The following CYP2A6 variants were observed in gnomAD, a reference collection of about 807,000 sequenced individuals.
The protein encoded by CYP2A6 is cytochrome P450 family 2 subfamily A member 6.
CYP2A6 carries 27 observed loss-of-function variants against 42.3 expected under a neutral mutation model. That is an observed-to-expected ratio of 0.64 (90% CI 0.47 to 0.88). The LOEUF (loss-of-function observed/expected upper bound fraction) is 0.88. CYP2A6 is among the 40% of genes least tolerant of loss of function. CYP2A6 has a pLI of 0.00. For missense variants in CYP2A6, 628 were observed against 646.0 expected (o/e 0.97, Z 0.30); for synonymous variants, 238 against 246.3 (o/e 0.97, Z 0.31).
rs2145124560 is a variant in CYP2A6, at chr19:40,848,706, G to A, written c.401C>T (p.Thr134Ile). 3 of 1,611,936 alleles carry A rather than the reference G, an allele frequency of 1.9e-6. No individual in the cohort carries two copies. Among genetic ancestry groups the A allele is most frequent in the East Asian group, 2.3e-5 (1 of 43,386 alleles). ...AKQLRRFSIA[T>I]LRDFGVGKRG... ...CTTGCCCACCCCGAAGTCCCGCAGG[G>A]TGGCGATGGAGAAGCGCCGGAGCTG... Residue 134 changes from threonine to isoleucine, a missense_variant, in exon 3 of 9, where the codon ACC (threonine) becomes ATC (isoleucine). Around this residue, in one of 2 missense-constraint regions of CYP2A6, gnomAD observed 606 missense variants for 568.1 expected, o/e 1.07. Coordinates refer to ENST00000301141, the MANE Select transcript of CYP2A6 (RefSeq NM_000762.6).
At position 40,848,987 on chromosome 19, in the gene CYP2A6, G is replaced by GA. The variant is rs1555783036; in HGVS notation, c.344-225_344-224insT. On this transcript the variant is annotated intron_variant, in intron 2 of 8. Coordinates refer to ENST00000301141, the MANE Select transcript of CYP2A6 (RefSeq NM_000762.6). ...GAGAGAGAGAGAGAGAAGAGAGAGA[G>GA]GAGAGAGAGAGAGAGAGAGAGAGAA... 1.3e-3 allele frequency among the ~76,000 whole-genome samples: 116 copies of GA among 90,030 alleles called. 1 individual carries two copies. Among genetic ancestry groups the GA allele is most frequent in the African/African-American group, 3.2e-3 (61 of 18,956 alleles). 59.1% of individuals were successfully genotyped at this position (90,030 alleles called of 152,430 possible).
intron 6 of CYP2A6, 97 bp from the exon 7 acceptor site, chr19:40,845,578 C>T: frequency 1.9e-6 from 3 of 1,543,254 alleles, no homozygotes; most frequent in African/African-American, 2.7e-5. Flanking sequence ...TATGGCTCCG[C>T]CTATGAGACG....
At chr19:40,848,865 G>A in intron 2 of CYP2A6, 102 bp from the exon 3 acceptor site, 19 of 1,407,162 alleles carry the variant, frequency 1.4e-5, no homozygotes, top group Non-Finnish European at 1.6e-5. Context: ...AGAGGGAGTA[G>A]GGTGGGAGAG....
At position 40,848,282 on chromosome 19, in the gene CYP2A6, C is replaced by T. The variant is rs368174755; in HGVS notation, c.591G>A (p.Glu197=). Residue 197 remains glutamate, a synonymous_variant, in exon 4 of 9, where the codon GAG becomes GAA. Coordinates refer to ENST00000301141, the MANE Select transcript of CYP2A6 (RefSeq NM_000762.6). ...FGDRFDYKDK[E]FLSLLRMMLG... ...GCATCATGCGCAACAGTGACAGGAA[C>T]TCTTTGTCCTTATAGTCAAAGCGGT... 4 of 1,611,728 alleles carry T rather than the reference C, an allele frequency of 2.5e-6. No individual in the cohort carries two copies. Among genetic ancestry groups the T allele is most frequent in the Non-Finnish European group, 3.4e-6 (4 of 1,179,952 alleles).
Position 40,850,335 on chromosome 19 carries a change from C to A in CYP2A6, c.92G>T (p.Gly31Val). 6.2e-7 allele frequency: 1 copy of A among 1,610,122 alleles called. No homozygotes were observed. Among genetic ancestry groups the A allele is most frequent in the Non-Finnish European group, 8.5e-7 (1 of 1,178,862 alleles). The stretch of plus-strand genomic sequence containing the variant: ...TGGGGTGGGTCCCGGAGGCAGCTTC[C>A]CCTTGCTCTTCCTCTGCTGCCAAAC... ...MSVWQQRKSKGKLPPGPTPLP... is the reference protein window; with the variant it reads ...MSVWQQRKSKVKLPPGPTPLP... Residue 31 changes from glycine (G) to valine (V), a missense_variant, in exon 1 of 9, where the codon GGG (glycine) becomes GTG (valine). By Grantham distance (109) the Gly-to-Val change is moderately radical. Coordinates refer to ENST00000301141, the MANE Select transcript of CYP2A6 (RefSeq NM_000762.6).
rs1474569049 is a variant in CYP2A6 at position 40,849,886 on chromosome 19, A to G, written c.275T>C (p.Val92Ala). The G allele has an allele frequency of 6.2e-7, 1 of 1,611,576 alleles. No individual in the cohort carries two copies. ...CGHDAVREAL[V>A]DQAEEFSGRG... is the part of the protein sequence containing the mutation. ...CCCGCTGAACTCCTCAGCCTGGTCC[A>G]CCAGAGCCTCCCTGACGGCATCATG... The change falls in exon 2 of 9, where the codon GTG (valine) becomes GCG (alanine). Residue 92 changes from valine to alanine, a missense_variant. By Grantham distance (64) the Val-to-Ala change is moderately conservative (BLOSUM62 0). Transcript: ENST00000301141.
chr19:40,849,017 G>C (rs1485121010), intron 2 of CYP2A6, among the ~76,000 whole-genome samples: 1 of 91,528 alleles, frequency 1.1e-5, no homozygotes, highest in Non-Finnish European at 2.1e-5. Context: ...AGAGAAGAGA[G>C]AGAGGAGAGA....
chr19:40,845,833 TG>T (rs2145121326), intron 6 of CYP2A6, 122 bp downstream of exon 6: 1 of 1,439,398 alleles, frequency 6.9e-7, no homozygotes, highest in Non-Finnish European at 9.4e-7. Flanking sequence ...AATGTTGCCC[TG>T]TCTCTGGACA....
At chr19:40,845,203 G>A (rs748582964) in intron 7 of CYP2A6, 91 bp downstream of exon 7, 4 of 1,528,252 alleles carry the variant, frequency 2.6e-6, no homozygotes, top group South Asian at 2.3e-5. Context: ...AGTGGGACAG[G>A]GTCTAGAAAG....
intron 5 of CYP2A6, 54 bp downstream of exon 5, chr19:40,846,821 C>A (rs572110543): frequency 4.4e-6 from 7 of 1,597,564 alleles, no homozygotes; most frequent in African/African-American, 1.3e-5. Context: ...CACTCCCAGA[C>A]TGATTTCCCT....
At position 40,850,361 on chromosome 19, in the gene CYP2A6, A is replaced by T. The variant is rs1459818458; in HGVS notation, c.66T>A (p.Ser22=). The change falls in exon 1 of 9, where the codon TCT becomes TCA. Residue 22 remains serine (S), a synonymous_variant. Transcript: ENST00000301141. ...CCTTGCTCTTCCTCTGCTGCCAAAC[A>T]GACATCAAGACCATTACAGTCAGGC... ...LVCLTVMVLM[S]VWQQRKSKGK... 5.0e-6 allele frequency: 8 copies of T among 1,610,146 alleles called. No homozygotes were observed. Among genetic ancestry groups the T allele is most frequent in the Non-Finnish European group, 5.9e-6 (7 of 1,178,896 alleles).
intron 7 of CYP2A6, chr19:40,845,022 C>G (rs2083448626): frequency 1.5e-6 from 1 of 653,308 alleles, no homozygotes; most frequent in Non-Finnish European, 2.6e-6. Context: ...GTCCCTATGA[C>G]AAAAGGCCGA....
chr19:40,846,651 T>C (rs1000991166), intron 5 of CYP2A6, among the ~76,000 whole-genome samples: 1 of 151,486 alleles, frequency 6.6e-6, no homozygotes, highest in African/African-American at 2.4e-5. Context: ...GGTTTGACCA[T>C]GTTGGCCAGG....
intron 8 of CYP2A6, among the ~76,000 whole-genome samples, chr19:40,844,237 T>C (rs2083444535): frequency 6.6e-6 from 1 of 151,348 alleles, no homozygotes; most frequent in Admixed American, 6.6e-5. Flanking sequence ...TATACAGTTC[T>C]ATGGGTTTTG....
Position 40,848,710 on chromosome 19 carries a change from C to CG in CYP2A6, c.396dup (p.Ala133ArgfsTer60). ...CCCACCCCGAAGTCCCGCAGGGTGG[C>CG]GATGGAGAAGCGCCGGAGCTGCTTG... On this transcript the variant is annotated frameshift_variant, in exon 3 of 9. Transcript: ENST00000301141. LOFTEE classifies it high-confidence loss of function. 6.2e-7 allele frequency: 1 copy of CG among 1,611,860 alleles called. No individual in the cohort carries two copies. The highest frequency in any genetic ancestry group is 2.3e-5 in the East Asian group (1 of 43,366).
rs1967132121 is a variant in CYP2A6 at position 40,848,114 on chromosome 19, G to T, written c.654+105C>A. 2 of 1,557,186 alleles carry T rather than the reference G, an allele frequency of 1.3e-6. 1 individual carries two copies. Among genetic ancestry groups the T allele is most frequent in the African/African-American group, 2.7e-5 (2 of 73,252 alleles). On this transcript the variant is annotated intron_variant, in intron 4 of 8. Transcript: ENST00000301141. ...CAATATCGGGGACTGATTTTGAGGG[G>T]ACACTGTCTGGAGGGCGGTGGGAGT...
At chr19:40,849,771 C>T (rs72549436) in intron 2 of CYP2A6, 47 bp downstream of exon 2, 16 of 1,606,258 alleles carry the variant, frequency 1.0e-5, no homozygotes, top group Admixed American at 1.7e-5. Flanking sequence ...AACACTGAGA[C>T]CTTCGTGTCC....
In CYP2A6 at chr19:40,846,094, C is replaced by A; in HGVS notation, c.835G>T (p.Glu279Ter). The A allele has an allele frequency of 6.2e-7, 1 of 1,611,490 alleles. No homozygotes were observed. Among genetic ancestry groups the A allele is most frequent in the Non-Finnish European group, 8.5e-7 (1 of 1,179,818 alleles). ...TAGAACTCCGTGTTGGGGTTCTTCT[C>A]CTCCTGCAGGGAGAGGGGGCTTTAG... is the stretch of plus-strand genomic sequence containing the variant. ...DSFLIRMQEEEKNPNTEFYLK... is the reference protein window; with the variant it reads ...DSFLIRMQEE The change falls in exon 6 of 9, where the codon GAG becomes TAG. Residue 279 changes from glutamate (E) to a stop codon, truncating the protein, a stop_gained. Transcript: ENST00000301141. LOFTEE classifies it high-confidence loss of function.
intron 2 of CYP2A6, among the ~76,000 whole-genome samples, chr19:40,849,088 G>GAGAGAC (rs1259003653): frequency 1.4e-5 from 2 of 142,868 alleles, no homozygotes; most frequent in African/African-American, 5.4e-5. Context: ...GAGAGAGAGA[G>GAGAGAC]ACCAGGTTTA....
Sources: gnomAD v4.1 joint callset for allele counts (sites outside exome capture counted in the v4.1 genomes callset) on GRCh38, gnomAD v4.1.1 for gene constraint, gnomAD v4.1.1 regional missense constraint, MANE v1.5 for transcripts, NCBI Gene and HGNC (gene_info 2026-07-23, HGNC 2026-07-21) for gene names.